GRID2: variants seen among roughly 807,000 people sequenced by gnomAD.
GRID2 encodes the protein glutamate receptor ionotropic, delta-2.
In GRID2, 33 loss-of-function variants were observed where a neutral mutation model predicts 114.8. The observed-to-expected ratio is 0.29, with a 90% CI of 0.22 to 0.38. The LOEUF (loss-of-function observed/expected upper bound fraction) is 0.38. Among genes scored for constraint, GRID2 ranks in the 10% least tolerant of loss-of-function variants. The pLI, the probability that GRID2 is intolerant of heterozygous loss-of-function variation, is 1.00. For synonymous variants in GRID2, 505 were observed against 449.9 expected (o/e 1.12, Z -1.55); for missense variants, 1,184 against 1,257.7 (o/e 0.94, Z 0.89).
At chr4:92,618,643 T>A (rs1056078114) in intron 2 of GRID2, among the ~76,000 whole-genome samples, 2 of 151,768 alleles carry the variant, frequency 1.3e-5, no homozygotes, top group African/African-American at 4.8e-5. Context: ...TATGGGATGC[T>A]TTTCCATTTG....
chr4:93,116,873 C>T (rs1319324315), intron 4 of GRID2, among the ~76,000 whole-genome samples: 1 of 151,816 alleles, frequency 6.6e-6, no homozygotes, highest in Non-Finnish European at 1.5e-5. Flanking sequence ...AAATAAAGTG[C>T]CTTTAAATAG....
rs1252121767 is a variant in GRID2 at position 93,403,525 on chromosome 4, G to C, written c.1347+7817G>C. On this transcript the variant is annotated intron_variant, in intron 9 of 15. Coordinates refer to ENST00000282020, the MANE Select transcript of GRID2 (RefSeq NM_001510.4). ...CAAAAATATTATAACTCAGTATGAA[G>C]AAATATAAACAAAATTAAAAAAAAT... Among the ~76,000 whole-genome samples the C allele has an allele frequency of 5.3e-5, 8 of 152,026 alleles. No individual in the cohort carries two copies. In the South Asian group the frequency reaches 1.2e-3, roughly 24 times the overall value.
At chr4:93,606,919 A>AGTATTCTTTACT (rs1740302444) in intron 13 of GRID2, among the ~76,000 whole-genome samples, 1 of 152,180 alleles carries the variant, frequency 6.6e-6, no homozygotes, top group South Asian at 2.1e-4. Flanking sequence ...GCTTTTATTC[A>AGTATTCTTTACT]GTATTCTTTA....
chr4:93,691,560 T>A (rs1726567663), intron 14 of GRID2, among the ~76,000 whole-genome samples: 1 of 152,152 alleles, frequency 6.6e-6, no homozygotes. Flanking sequence ...TTATTTAACT[T>A]TGCTTAGTTT....
intron 8 of GRID2, among the ~76,000 whole-genome samples, chr4:93,355,548 C>A (rs1761251738): frequency 6.6e-6 from 1 of 152,054 alleles, no homozygotes; most frequent in Admixed American, 6.6e-5. Context: ...TAAGACTACA[C>A]CTGAAATTGG....
chr4:92,393,380 C>A (rs1041127773), intron 1 of GRID2, among the ~76,000 whole-genome samples: 1 of 152,258 alleles, frequency 6.6e-6, no homozygotes, highest in South Asian at 2.1e-4. Flanking sequence ...TACATAATAT[C>A]TCTCTTCAAG....
At chr4:92,500,702 T>C (rs1044326621) in intron 1 of GRID2, among the ~76,000 whole-genome samples, 1 of 152,134 alleles carries the variant, frequency 6.6e-6, no homozygotes, top group Non-Finnish European at 1.5e-5. Context: ...TATGAAATCT[T>C]TGTCCGCCAG....
chr4:93,494,366 GGA>G (rs780999229), intron 12 of GRID2, among the ~76,000 whole-genome samples: 4 of 150,856 alleles, frequency 2.7e-5, no homozygotes, highest in African/African-American at 2.4e-5. Flanking sequence ...TCAGTGAAGG[GGA>G]GAGAGAGAGA....
At chr4:92,738,665 T>C (rs1221135175) in intron 2 of GRID2, among the ~76,000 whole-genome samples, 1 of 152,078 alleles carries the variant, frequency 6.6e-6, no homozygotes, top group Admixed American at 6.6e-5. Flanking sequence ...TATTTTTTAT[T>C]TTTAGAGACA....
At chr4:93,421,105 A>G (rs1054183758) in intron 9 of GRID2, among the ~76,000 whole-genome samples, 3 of 152,178 alleles carry the variant, frequency 2.0e-5, no homozygotes, top group Non-Finnish European at 4.4e-5. Flanking sequence ...TGTCAGGGAC[A>G]TAGACTTCTC....
At chr4:93,311,251 G>A (rs1357306814) in intron 8 of GRID2, among the ~76,000 whole-genome samples, 1 of 152,096 alleles carries the variant, frequency 6.6e-6, no homozygotes, top group South Asian at 2.1e-4. Context: ...TTCTCAGGCT[G>A]GCTAATGGGG....
At chr4:93,395,030 G>T (rs1765199862) in intron 8 of GRID2, among the ~76,000 whole-genome samples, 1 of 151,970 alleles carries the variant, frequency 6.6e-6, no homozygotes, top group Non-Finnish European at 1.5e-5. Flanking sequence ...TAAGGGAAAG[G>T]CTGCTGCCAA....
At chr4:93,784,087 A>AC (rs1383659980) in intron 1 of GRID2, among the ~76,000 whole-genome samples, 1 of 149,938 alleles carries the variant, frequency 6.7e-6, no homozygotes, top group East Asian at 1.9e-4. Context: ...AAAAAAAAAA[A>AC]AAAAAAAAAA....
chr4:92,744,067 T>G (rs940011084), intron 2 of GRID2, among the ~76,000 whole-genome samples: 3 of 152,164 alleles, frequency 2.0e-5, no homozygotes, highest in Non-Finnish European at 4.4e-5. Context: ...ATCACATTTG[T>G]TATGTTATAA....
At chr4:93,305,599 G>T (rs1755334906) in intron 8 of GRID2, among the ~76,000 whole-genome samples, 1 of 152,148 alleles carries the variant, frequency 6.6e-6, no homozygotes, top group African/African-American at 2.4e-5. Context: ...TAGCACAATT[G>T]TTTGGGTAGG....
intron 7 of GRID2, among the ~76,000 whole-genome samples, chr4:93,232,102 G>T (rs977285277): frequency 6.6e-6 from 1 of 152,050 alleles, no homozygotes; most frequent in Non-Finnish European, 1.5e-5. Flanking sequence ...ACATAAAATT[G>T]TTTTGACTGG....
chr4:93,029,645 G>C (rs1015563101), intron 2 of GRID2, among the ~76,000 whole-genome samples: 1 of 151,880 alleles, frequency 6.6e-6, no homozygotes, highest in Non-Finnish European at 1.5e-5. Context: ...TGAGAAAGTA[G>C]GGTTAATAAA....
At chr4:93,138,544 T>C (rs1735479435) in intron 4 of GRID2, among the ~76,000 whole-genome samples, 2 of 152,194 alleles carry the variant, frequency 1.3e-5, no homozygotes, top group South Asian at 2.1e-4. Context: ...TATTGTCAAA[T>C]TGACTCATTG....
intron 12 of GRID2, among the ~76,000 whole-genome samples, chr4:93,498,812 G>A (rs1727816148): frequency 6.6e-6 from 1 of 151,814 alleles, no homozygotes; most frequent in Non-Finnish European, 1.5e-5. Context: ...ACAATACTAT[G>A]TCAAATTAAG....
Sources: gnomAD v4.1 joint callset for allele counts (sites outside exome capture counted in the v4.1 genomes callset) on GRCh38, gnomAD v4.1.1 for gene constraint, MANE v1.5 for transcripts, NCBI Gene and HGNC (gene_info 2026-07-23, HGNC 2026-07-21) for gene names.